ISCU: variants seen among roughly 807,000 people sequenced by gnomAD.
The protein encoded by ISCU is iron-sulfur cluster assembly enzyme ISCU.
Under a neutral mutation model 18.4 loss-of-function variants are expected in ISCU, and 13 were observed. The ratio of observed to expected loss-of-function variants is 0.71; its 90% CI spans 0.46 to 1.12. ISCU has a LOEUF of 1.12. Ranked by LOEUF, ISCU falls within the 50% of genes most tolerant of loss-of-function variation. The probability of loss-of-function intolerance (pLI) is 0.00; values close to 1 mark genes in which losing one functional copy is unlikely to be tolerated. For synonymous variants in ISCU, 104 were observed against 87.5 expected, an observed-to-expected ratio of 1.19 and a Z score of -1.06; for missense variants, 229 against 208.7, an observed-to-expected ratio of 1.10 and a Z score of -0.60.
chr12:108,564,724 T>C lies in ISCU; in HGVS notation c.228+332T>C, dbSNP rs2030809313. 2.0e-5 allele frequency among the ~76,000 whole-genome samples: 3 copies of C among 152,254 alleles called. No homozygotes were observed. In the South Asian group the frequency reaches 6.2e-4, roughly 31 times the overall value. On this transcript the variant is annotated intron_variant, in intron 2 of 4. Transcript: ENST00000311893. Reference sequence around the variant, plus strand: ...TGATCAAAGGAAAATCCCAGTGAGCTAGCAGTCCCCAATGAAACAAGAAAC... The same window carrying C: ...TGATCAAAGGAAAATCCCAGTGAGCCAGCAGTCCCCAATGAAACAAGAAAC...
chr12:108,564,944 A>G, intron 2 of ISCU: 1 of 284,916 alleles, frequency 3.5e-6, no homozygotes, highest in Middle Eastern at 1.2e-3. Flanking sequence ...CCCAAGAAAA[A>G]AGTATTAACC....
At chr12:108,562,562 C>T, upstream of ISCU, 3 of 995,192 alleles carry the variant, frequency 3.0e-6, no homozygotes, top group Non-Finnish European at 4.0e-6. Flanking sequence ...TCGGAGCCGA[C>T]TCGCAGACGC....
At chr12:108,562,990 G>A in intron 1 of ISCU, 1 of 340,920 alleles carries the variant, frequency 2.9e-6, no homozygotes, top group East Asian at 4.6e-5. Flanking sequence ...TTCGCCAACA[G>A]CCCAGGAGGC....
chr12:108,568,659 G>T, intron 4 of ISCU, 172 bp from the exon 5 acceptor site: 2 of 1,467,256 alleles, frequency 1.4e-6, no homozygotes, highest in Non-Finnish European at 1.8e-6. Flanking sequence ...GAGTAACTCA[G>T]CTCAGGAAGC....
chr12:108,567,168 A>G, intron 3 of ISCU, 22 bp from the exon 4 acceptor site: 1 of 1,594,128 alleles, frequency 6.3e-7, no homozygotes, highest in Non-Finnish European at 8.6e-7. Flanking sequence ...AAAACTGCCC[A>G]TCTTTCCATT....
chr12:108,564,102 A>G (rs757117290), intron 1 of ISCU, 177 bp from the exon 2 acceptor site: 3 of 1,613,278 alleles, frequency 1.9e-6, no homozygotes, highest in Non-Finnish European at 2.5e-6. Context: ...ACACAAAAGG[A>G]ATTGGGGGTC....
intron 4 of ISCU, chr12:108,567,912 C>T: frequency 7.1e-7 from 1 of 1,411,484 alleles, no homozygotes; most frequent in Non-Finnish European, 9.7e-7. Context: ...ATTTCTTAAC[C>T]TTCTCAGGGA....
At chr12:108,562,587 C>A, upstream of ISCU, 2 of 1,224,720 alleles carry the variant, frequency 1.6e-6, no homozygotes, top group Non-Finnish European at 2.1e-6. Flanking sequence ...CGCCCCTCGG[C>A]GTCGCTCTGG....
At chr12:108,562,309 G>C (rs73404718), upstream of ISCU, among the ~76,000 whole-genome samples, 3,783 of 152,282 alleles carry the variant, frequency 0.025, 153 homozygotes, top group African/African-American at 0.086. Flanking sequence ...CCTCTGCGCC[G>C]CATTCCCGCA....
Position 108,569,227 on chromosome 12 carries a change from T to C in ISCU, c.*311T>C. 1 of 360,338 alleles carries C rather than the reference T, an allele frequency of 2.8e-6. No homozygotes were observed. Among genetic ancestry groups the C allele is most frequent in the African/African-American group, 2.1e-5 (1 of 48,144 alleles). 22.3% of individuals were successfully genotyped at this position (360,338 alleles called of 1,614,324 possible). A position where few individuals can be genotyped will look rare whatever the true frequency, so the allele number is the denominator to read the frequency against. ...TGATAGCCCGTGAAGTGCATAAGTA[T>C]CTAATTTTACCTGAATTGATTTGGG... On this transcript the variant is annotated 3_prime_UTR_variant, in exon 5 of 5. Coordinates refer to ENST00000311893, the MANE Select transcript of ISCU (RefSeq NM_213595.4).
At chr12:108,565,267 A>T in intron 2 of ISCU, 54 bp from the exon 3 acceptor site, 1 of 1,336,840 alleles carries the variant, frequency 7.5e-7, no homozygotes, top group African/African-American at 1.4e-5. Flanking sequence ...CGTGAGTGCC[A>T]GGTTCCAGAG....
At chr12:108,562,098 T>C (rs1483853289), upstream of ISCU, among the ~76,000 whole-genome samples, 2 of 152,132 alleles carry the variant, frequency 1.3e-5, no homozygotes, top group Non-Finnish European at 2.9e-5. Flanking sequence ...AAAGGGAAGA[T>C]TCAGACTCAG....
upstream of ISCU, among the ~76,000 whole-genome samples, chr12:108,561,928 A>G (rs1325661326): frequency 6.6e-6 from 1 of 152,120 alleles, no homozygotes; most frequent in Admixed American, 6.5e-5. Flanking sequence ...GTGTGTCTCT[A>G]TCTCTACCTT....
At chr12:108,562,047 T>C (rs2030593648), upstream of ISCU, among the ~76,000 whole-genome samples, 1 of 152,138 alleles carries the variant, frequency 6.6e-6, no homozygotes, top group Admixed American at 6.6e-5. Context: ...TCGACACAGA[T>C]GCTGGCTTCA....
rs746812687 is a variant in ISCU at position 108,562,613 on chromosome 12, A to T, written c.-10A>T. On this transcript the variant is annotated 5_prime_UTR_variant, in exon 1 of 5. It adds an upstream start codon to the 5' untranslated region. Coordinates refer to ENST00000311893, the MANE Select transcript of ISCU (RefSeq NM_213595.4). ...GTCGCTCTGGACTGGCGCAGGCGCA[A>T]GCCGGCAAGATGGCGGCGGCTGGGG... The T allele has an allele frequency of 1.4e-6, 2 of 1,441,528 alleles. No individual in the cohort carries two copies. The highest frequency in any genetic ancestry group is 2.7e-5 in the South Asian group (2 of 72,834). The allele number at this position is 1,441,528 out of a possible 1,614,324, so 89.3% of individuals were successfully genotyped here.
chr12:108,562,638 G>A lies in ISCU; in HGVS notation c.16G>A (p.Ala6Thr). The stretch of plus-strand genomic sequence containing the variant: ...AGCCGGCAAGATGGCGGCGGCTGGG[G>A]CTTTCCGTCTGAGGCGGGCGGCATC... MAAAG[A>T]FRLRRAASAL... Residue 6 changes from alanine (A) to threonine (T), a missense_variant, in exon 1 of 5, where the codon GCT becomes ACT. Coordinates refer to ENST00000311893, the MANE Select transcript of ISCU (RefSeq NM_213595.4). 6.8e-7 allele frequency: 1 copy of A among 1,481,370 alleles called. No individual in the cohort carries two copies. Among genetic ancestry groups the A allele is most frequent in the South Asian group, 1.3e-5 (1 of 76,294 alleles). 91.8% of individuals were successfully genotyped at this position (1,481,370 alleles called of 1,614,324 possible).
At chr12:108,566,207 C>T (rs188186749) in intron 3 of ISCU, among the ~76,000 whole-genome samples, 3 of 152,388 alleles carry the variant, frequency 2.0e-5, no homozygotes, top group Admixed American at 1.3e-4. Flanking sequence ...TGCCAGGCCA[C>T]GTGCCACCTG....
chr12:108,563,661 C>T (rs1420453677), intron 1 of ISCU: 6 of 268,174 alleles, frequency 2.2e-5, no homozygotes, highest in Admixed American at 5.1e-5. Flanking sequence ...ACTCCTCCCC[C>T]TCCCGGGGGT....
chr12:108,565,200 C>A, intron 2 of ISCU, 121 bp from the exon 3 acceptor site: 1 of 744,662 alleles, frequency 1.3e-6, no homozygotes. Context: ...TAATTAATGC[C>A]ATCACTTAGT....
Sources: allele counts gnomAD v4.1 joint callset (sites outside exome capture counted in the v4.1 genomes callset), GRCh38; gene constraint gnomAD v4.1.1; transcripts MANE v1.5; gene names NCBI Gene and HGNC (gene_info 2026-07-23, HGNC 2026-07-21).